Variants in CDA observed in about 807,000 individuals in gnomAD.
CDA encodes cytidine deaminase, also known as cytidine aminohydrolase.
A neutral mutation model predicts 15.0 loss-of-function variants in CDA; 7 were observed. That is an observed-to-expected ratio of 0.47 (90% confidence interval 0.26 to 0.87). CDA has a LOEUF of 0.87. Among genes scored for constraint, CDA ranks in the 40% least tolerant of loss-of-function variants. The pLI, the probability that CDA is intolerant of heterozygous loss-of-function variation, is 0.15. For missense variants in CDA, 159 were observed against 182.7 expected, an observed-to-expected ratio of 0.87 and a Z score of 0.75; for synonymous variants, 58 against 73.0, an observed-to-expected ratio of 0.79 and a Z score of 1.05.
chr1:20,591,662 A>G (rs2052549613), intron 1 of CDA, among the ~76,000 whole-genome samples: 1 of 152,116 alleles, frequency 6.6e-6, no homozygotes, highest in African/African-American at 2.4e-5. Flanking sequence ...TTTGCATTGC[A>G]GGGAAAGACC....
intron 3 of CDA, among the ~76,000 whole-genome samples, chr1:20,616,957 A>G (rs891720473): frequency 6.6e-6 from 1 of 152,212 alleles, no homozygotes; most frequent in African/African-American, 2.4e-5. Context: ...TACCAACATA[A>G]TCAATAAGAA....
At chr1:20,590,566 G>A (rs2052538681) in intron 1 of CDA, among the ~76,000 whole-genome samples, 1 of 152,148 alleles carries the variant, frequency 6.6e-6, no homozygotes, top group Non-Finnish European at 1.5e-5. Flanking sequence ...AGATGGCACA[G>A]AAAGGGCCCT....
chr1:20,599,897 G>A (rs2052626402), intron 1 of CDA, among the ~76,000 whole-genome samples: 1 of 152,168 alleles, frequency 6.6e-6, no homozygotes, highest in Non-Finnish European at 1.5e-5. Flanking sequence ...CTATGAGGGA[G>A]ATTCTATCAT....
chr1:20,608,378 T>C (rs1233474767), intron 2 of CDA, among the ~76,000 whole-genome samples: 1 of 149,074 alleles, frequency 6.7e-6, no homozygotes, highest in African/African-American at 2.5e-5. Context: ...ATGTAATACA[T>C]TCAAACTATT....
chr1:20,605,075 C>T (rs2052682247), intron 2 of CDA, 36 bp downstream of exon 2: 1 of 1,205,694 alleles, frequency 8.3e-7, no homozygotes, highest in Non-Finnish European at 1.2e-6. Context: ...AATATTCATT[C>T]ATCTCTTTAG....
intron 1 of CDA, among the ~76,000 whole-genome samples, chr1:20,590,459 C>T (rs905913553): frequency 2.6e-5 from 4 of 152,144 alleles, no homozygotes; most frequent in Non-Finnish European, 1.5e-5. Flanking sequence ...AACAAACATT[C>T]ACCACCACCG....
At chr1:20,590,760 C>T (rs2052540498) in intron 1 of CDA, among the ~76,000 whole-genome samples, 1 of 152,202 alleles carries the variant, frequency 6.6e-6, no homozygotes, top group South Asian at 2.1e-4. Flanking sequence ...TGGCTCAGAA[C>T]AGGCACTCAA....
Position 20,613,852 on chromosome 1 carries a change from G to A in CDA, c.277G>A (p.Asp93Asn), listed in dbSNP as rs951790627. The change falls in exon 3 of 4, where the codon GAT (aspartate) becomes AAT (asparagine). Residue 93 changes from aspartate to asparagine, a missense_variant. By Grantham distance (23) the Asp-to-Asn change is conservative (BLOSUM62 1). Transcript: ENST00000375071. ...TCTTTGCTTCCCCAGTGACATGCAA[G>A]ATGATTTTATCTCTCCATGTGGGGC... Reference protein sequence around the residue: ...RAIAIASDMQDDFISPCGACR... With the variant: ...RAIAIASDMQNDFISPCGACR... 1.2e-6 allele frequency: 2 copies of A among 1,614,078 alleles called. No individual in the cohort carries two copies. Among genetic ancestry groups the A allele is most frequent in the Non-Finnish European group, 1.7e-6 (2 of 1,179,928 alleles).
At chr1:20,598,024 G>T (rs1443563654) in intron 1 of CDA, among the ~76,000 whole-genome samples, 2 of 152,062 alleles carry the variant, frequency 1.3e-5, no homozygotes, top group East Asian at 3.9e-4. Context: ...TTCAATAATG[G>T]TTAGCCATCT....
intron 2 of CDA, among the ~76,000 whole-genome samples, chr1:20,612,743 G>T (rs2052764611): frequency 6.6e-6 from 1 of 151,948 alleles, no homozygotes; most frequent in South Asian, 2.1e-4. Flanking sequence ...AGGAGATCGA[G>T]ACCATCCTGG....
At chr1:20,614,715 G>A (rs904062033) in intron 3 of CDA, among the ~76,000 whole-genome samples, 2 of 152,356 alleles carry the variant, frequency 1.3e-5, no homozygotes, top group South Asian at 4.1e-4. Flanking sequence ...GAGGCAAGAA[G>A]GCCACGAGGG....
At chr1:20,610,043 TG>T (rs2052732471) in intron 2 of CDA, among the ~76,000 whole-genome samples, 1 of 2,318 alleles carries the variant, frequency 4.3e-4, no homozygotes. Flanking sequence ...ACTTGACGCA[TG>T]GTTGGTTGGT....
rs760679085 is a variant in CDA at position 20,594,396 on chromosome 1, AAG to A, written c.154+5116_154+5117del. Among the ~76,000 whole-genome samples, 5 of 152,212 alleles carry A rather than the reference AAG, an allele frequency of 3.3e-5. No homozygotes were observed. The East Asian group carries it at 5.8e-4, about 18-fold the overall frequency. Reference sequence around the variant, plus strand: ...GGGAGAGCCGAGGGAGAGGTACAGAAAGAGGAGCTCACTGGTGAGGAAAGAGC... The same window carrying A: ...GGGAGAGCCGAGGGAGAGGTACAGAAAGGAGCTCACTGGTGAGGAAAGAGC... On this transcript the variant is annotated intron_variant, in intron 1 of 3. Transcript: ENST00000375071.
chr1:20,589,168 G>A lies in CDA; in HGVS notation c.39G>A (p.Glu13=), dbSNP rs2101170709. The change falls in exon 1 of 4, where the codon GAG becomes GAA. Residue 13 remains glutamate, a synonymous_variant. Transcript: ENST00000375071. ...QKRPACTLKP[E]CVQQLLVCSQ... is the part of the protein sequence containing the mutation. ...GTCCTGCCTGCACCCTGAAGCCTGA[G>A]TGTGTCCAGCAGCTGCTGGTTTGCT... 6.2e-7 allele frequency: 1 copy of A among 1,614,192 alleles called. No homozygotes were observed. The highest frequency in any genetic ancestry group is 2.2e-5 in the East Asian group (1 of 44,880).
At position 20,605,010 on chromosome 1, in the gene CDA, C is replaced by G; in HGVS notation, c.237C>G (p.Tyr79Ter). 1 of 1,613,542 alleles carries G rather than the reference C, an allele frequency of 6.2e-7. No individual in the cohort carries two copies. Among genetic ancestry groups the G allele is most frequent in the Non-Finnish European group, 8.5e-7 (1 of 1,179,534 alleles). The change falls in exon 2 of 4, where the codon TAC becomes TAG. Residue 79 changes from tyrosine to a stop codon, truncating the protein, a stop_gained. Transcript: ENST00000375071. LOFTEE classifies it high-confidence loss of function. ...TAIQKAVSEG[Y>*]KDFRAIAIAS... is the part of the protein sequence containing the mutation. ...TCCAGAAGGCCGTCTCAGAAGGGTA[C>G]AAGGATTTCAGGGCAATTGCTATCG...
At chr1:20,609,897 AG>A (rs2052731125) in intron 2 of CDA, among the ~76,000 whole-genome samples, 1 of 152,202 alleles carries the variant, frequency 6.6e-6, no homozygotes, top group African/African-American at 2.4e-5. Flanking sequence ...AAGCGTCCTC[AG>A]AGAGGTCCCC....
At chr1:20,605,086 C>A (rs2154532452) in intron 2 of CDA, 47 bp downstream of exon 2, 1 of 1,054,298 alleles carries the variant, frequency 9.5e-7, no homozygotes, top group Non-Finnish European at 1.5e-6. Flanking sequence ...ATCTCTTTAG[C>A]CAACATCTTC....
intron 3 of CDA, among the ~76,000 whole-genome samples, chr1:20,615,595 G>A (rs924972218): frequency 1.3e-5 from 2 of 152,028 alleles, no homozygotes; most frequent in African/African-American, 4.8e-5. Flanking sequence ...TGGGGAAAGG[G>A]GAATGTCAGT....
intron 3 of CDA, among the ~76,000 whole-genome samples, chr1:20,616,197 C>CGGCT (rs2052801015): frequency 6.6e-6 from 1 of 152,190 alleles, no homozygotes; most frequent in Non-Finnish European, 1.5e-5. Context: ...GTGCTCCTCA[C>CGGCT]GGCTGCCTCT....
Sources: allele counts gnomAD v4.1 joint callset (sites outside exome capture counted in the v4.1 genomes callset), GRCh38; gene constraint gnomAD v4.1.1; transcripts MANE v1.5; gene names NCBI Gene and HGNC (gene_info 2026-07-23, HGNC 2026-07-21).